MAST4: variants seen among roughly 807,000 people sequenced by gnomAD.
The protein encoded by MAST4 is microtubule associated serine/threonine kinase family member 4, also known as microtubule-associated serine/threonine-protein kinase 4.
Under a neutral mutation model 162.7 loss-of-function variants are expected in MAST4, and 89 were observed. The observed-to-expected ratio is 0.55, with a 90% CI of 0.46 to 0.65. The LOEUF (loss-of-function observed/expected upper bound fraction) is 0.65. Among genes scored for constraint, MAST4 ranks in the 30% least tolerant of loss-of-function variants. The pLI, the probability that MAST4 is intolerant of heterozygous loss-of-function variation, is 0.00. For missense variants in MAST4, 3,153 were observed against 3,374.0 expected, an observed-to-expected ratio of 0.93 and a Z score of 1.62; for synonymous variants, 1,479 against 1,361.1, an observed-to-expected ratio of 1.09 and a Z score of -1.91.
intron 4 of MAST4, among the ~76,000 whole-genome samples, chr5:67,034,604 A>G (rs910698959): frequency 1.3e-5 from 2 of 152,168 alleles, no homozygotes; most frequent in African/African-American, 4.8e-5. Context: ...TTAAGCTTTA[A>G]CCAGTGACAG....
At chr5:66,626,239 G>T (rs1347939233) in intron 1 of MAST4, among the ~76,000 whole-genome samples, 2 of 152,096 alleles carry the variant, frequency 1.3e-5, no homozygotes, top group Non-Finnish European at 2.9e-5. Flanking sequence ...TGCTAAAAGG[G>T]TAGATCTTAA....
chr5:66,647,263 A>G (rs1022926408), intron 1 of MAST4, among the ~76,000 whole-genome samples: 2 of 152,114 alleles, frequency 1.3e-5, no homozygotes, highest in East Asian at 1.9e-4. Flanking sequence ...CAAATCTTCA[A>G]ATGTTTAAAG....
In MAST4 at chr5:67,131,834, T is replaced by G; in HGVS notation, c.1976T>G (p.Met659Arg). 6.2e-7 allele frequency: 1 copy of G among 1,613,170 alleles called. No homozygotes were observed. The highest frequency in any genetic ancestry group is 2.2e-5 in the East Asian group (1 of 44,844). Residue 659 changes from methionine (M) to arginine (R), a missense_variant, in exon 16 of 29, where the codon ATG becomes AGG. Coordinates refer to ENST00000403625, the MANE Select transcript of MAST4 (RefSeq NM_001164664.2). ...ACAGGGGGAGACTGTGCTACTTTAA[T>G]GAAAAACATGGGTCCTCTCCCTGTT... The part of the protein sequence containing the change: ...YVEGGDCATL[M>R]KNMGPLPVDM...
At chr5:67,064,261 A>C (rs1759968878) in intron 5 of MAST4, among the ~76,000 whole-genome samples, 1 of 152,186 alleles carries the variant, frequency 6.6e-6, no homozygotes, top group Non-Finnish European at 1.5e-5. Context: ...CCTGAGATGC[A>C]GGAGGGAAGG....
intron 27 of MAST4, among the ~76,000 whole-genome samples, chr5:67,161,701 TG>T: frequency 6.6e-6 from 1 of 152,372 alleles, no homozygotes; most frequent in East Asian, 1.9e-4. Context: ...TTTCATTGTA[TG>T]TTTATAGAAG....
chr5:66,621,443 C>T (rs891804611), intron 1 of MAST4, among the ~76,000 whole-genome samples: 1 of 152,158 alleles, frequency 6.6e-6, no homozygotes, highest in Non-Finnish European at 1.5e-5. Context: ...TTTTATTCTA[C>T]TTTGCATCTT....
intron 1 of MAST4, among the ~76,000 whole-genome samples, chr5:66,658,611 G>A (rs1430072915): frequency 6.6e-6 from 1 of 152,158 alleles, no homozygotes; most frequent in Non-Finnish European, 1.5e-5. Flanking sequence ...TGCAGGGTGT[G>A]GTGGGAAAAA....
At chr5:67,144,596 C>T in intron 21 of MAST4, 73 bp from the exon 22 acceptor site, 2 of 1,501,960 alleles carry the variant, frequency 1.3e-6, no homozygotes, top group South Asian at 1.2e-5. Context: ...GGTTTTTCTC[C>T]CAAGACTTGG....
chr5:67,144,457 T>TAC (rs57996757), intron 21 of MAST4, among the ~76,000 whole-genome samples: 2,144 of 149,920 alleles, frequency 0.014, 38 homozygotes, highest in African/African-American at 0.045. Flanking sequence ...CGTATATATG[T>TAC]ACACACACAC....
intron 4 of MAST4, among the ~76,000 whole-genome samples, chr5:66,926,373 C>G (rs1764891491): frequency 6.6e-6 from 1 of 152,040 alleles, no homozygotes; most frequent in South Asian, 2.1e-4. Flanking sequence ...TATGGTGAAA[C>G]CCTATCTCTA....
chr5:66,993,142 A>G (rs1750235096), intron 4 of MAST4, among the ~76,000 whole-genome samples: 1 of 152,212 alleles, frequency 6.6e-6, no homozygotes. Flanking sequence ...TGGACTTTTT[A>G]TTGATCATTT....
chr5:66,892,141 A>G (rs1328537579), intron 3 of MAST4, among the ~76,000 whole-genome samples: 10 of 152,234 alleles, frequency 6.6e-5, no homozygotes, highest in African/African-American at 9.6e-5. Flanking sequence ...GTCACATGTC[A>G]TCTTTAAACC....
At chr5:66,648,966 G>A (rs918798059) in intron 1 of MAST4, among the ~76,000 whole-genome samples, 1 of 152,016 alleles carries the variant, frequency 6.6e-6, no homozygotes, top group Non-Finnish European at 1.5e-5. Flanking sequence ...TTTCTACTTA[G>A]AGTTGCTTAA....
chr5:66,759,823 A>C lies in MAST4; in HGVS notation c.478A>C (p.Arg160=). The C allele has an allele frequency of 6.2e-7, 1 of 1,613,922 alleles. No individual in the cohort carries two copies. The highest frequency in any genetic ancestry group is 8.5e-7 in the Non-Finnish European group (1 of 1,179,868). ...TAAAAGACAGCTGAGTGAGGATGGA[A>C]GACAGCTAAGGCGAGGGAGCCTGGG... is the stretch of plus-strand genomic sequence containing the variant. ...KYKRQLSEDG[R]QLRRGSLGGA... The change falls in exon 2 of 29, where the codon AGA becomes CGA. Residue 160 remains arginine (R), a synonymous_variant. Coordinates refer to ENST00000403625, the MANE Select transcript of MAST4 (RefSeq NM_001164664.2).
intron 4 of MAST4, among the ~76,000 whole-genome samples, chr5:66,978,462 A>AAG (rs1261379194): frequency 1.4e-4 from 22 of 152,236 alleles, no homozygotes; most frequent in African/African-American, 5.3e-4. Context: ...GGATACCAAG[A>AAG]AGAGAAGATG....
intron 2 of MAST4, among the ~76,000 whole-genome samples, chr5:66,764,842 T>C (rs1040813496): frequency 3.3e-5 from 5 of 152,206 alleles, no homozygotes; most frequent in Non-Finnish European, 7.3e-5. Context: ...TTTAAATCAG[T>C]GTAGCCTAAG....
intron 1 of MAST4, among the ~76,000 whole-genome samples, chr5:66,666,461 G>C (rs1453715631): frequency 6.6e-6 from 1 of 152,194 alleles, no homozygotes; most frequent in Non-Finnish European, 1.5e-5. Flanking sequence ...GAATTGTGTG[G>C]TATGCCCCAA....
chr5:66,980,681 T>G (rs1255126516), intron 4 of MAST4, among the ~76,000 whole-genome samples: 1 of 152,252 alleles, frequency 6.6e-6, no homozygotes, highest in East Asian at 1.9e-4. Flanking sequence ...TGCAAGAATA[T>G]TGCTTTCCAG....
chr5:67,082,826 G>C (rs1762827361), intron 5 of MAST4, among the ~76,000 whole-genome samples: 1 of 152,130 alleles, frequency 6.6e-6, no homozygotes, highest in African/African-American at 2.4e-5. Flanking sequence ...TAAAGTAATT[G>C]TAAATGTTAA....
Sources: allele counts gnomAD v4.1 joint callset (sites outside exome capture counted in the v4.1 genomes callset), GRCh38; gene constraint gnomAD v4.1.1; transcripts MANE v1.5; gene names NCBI Gene and HGNC (gene_info 2026-07-23, HGNC 2026-07-21).